Variants in SND1 observed in about 807,000 individuals in gnomAD.
SND1 encodes the protein staphylococcal nuclease and tudor domain containing 1.
SND1 carries 38 observed loss-of-function variants against 121.7 expected under a neutral mutation model. That is an observed-to-expected ratio of 0.31 (90% CI 0.24 to 0.41). The LOEUF (loss-of-function observed/expected upper bound fraction) is 0.41. Ranked by LOEUF, SND1 falls within the 10% of genes least tolerant of loss-of-function variation. The probability of loss-of-function intolerance (pLI) is 1.00; values close to 1 mark genes in which losing one functional copy is unlikely to be tolerated. For synonymous variants in SND1, 401 were observed against 447.4 expected (o/e 0.90, Z 1.31); for missense variants, 868 against 1,184.6 (o/e 0.73, Z 3.92).
chr7:127,794,222 A>T (rs1455889921), intron 10 of SND1, among the ~76,000 whole-genome samples: 1 of 152,198 alleles, frequency 6.6e-6, no homozygotes, highest in Non-Finnish European at 1.5e-5. Context: ...AATTTGGTGG[A>T]TAAAATATGT....
At chr7:127,686,460 A>G (rs1795813948) in intron 1 of SND1, among the ~76,000 whole-genome samples, 153 bp from the exon 2 acceptor site, 1 of 152,202 alleles carries the variant, frequency 6.6e-6, no homozygotes, top group South Asian at 2.1e-4. Flanking sequence ...AAAATTAAAA[A>G]CAATCCTGTT....
At chr7:127,771,245 GC>G (rs1210259656) in intron 10 of SND1, among the ~76,000 whole-genome samples, 2 of 152,148 alleles carry the variant, frequency 1.3e-5, no homozygotes, top group African/African-American at 4.8e-5. Flanking sequence ...CAGCTTGGGG[GC>G]CACAGGCTAA....
At chr7:127,755,624 T>C (rs1227563333) in intron 10 of SND1, among the ~76,000 whole-genome samples, 1 of 152,206 alleles carries the variant, frequency 6.6e-6, no homozygotes, top group African/African-American at 2.4e-5. Context: ...AATGATAGGA[T>C]GGATGTGGAG....
At chr7:127,992,624 ACTGT>A (rs765008192) in intron 16 of SND1, among the ~76,000 whole-genome samples, 17 of 152,196 alleles carry the variant, frequency 1.1e-4, no homozygotes, top group Admixed American at 3.3e-4. Context: ...CTCATCATTT[ACTGT>A]CTAAGTCAAA....
intron 16 of SND1, among the ~76,000 whole-genome samples, chr7:128,022,463 G>A (rs1803378704): frequency 6.6e-6 from 1 of 152,090 alleles, no homozygotes. Context: ...GGGATAAGTG[G>A]GCAAAGATCA....
chr7:128,092,076 GC>G lies in SND1; in HGVS notation c.*23del. The G allele has an allele frequency of 6.2e-7, 1 of 1,613,566 alleles. No homozygotes were observed. Among genetic ancestry groups the G allele is most frequent in the Non-Finnish European group, 8.5e-7 (1 of 1,179,546 alleles). ...GCCGCTAAGGAGGGGATCGGGTTTGGCCCCCAGCCCCGCTCACGCCAGTCCC... is the reference window on the plus strand; with the variant it reads ...GCCGCTAAGGAGGGGATCGGGTTTGGCCCCAGCCCCGCTCACGCCAGTCCC... On this transcript the variant is annotated 3_prime_UTR_variant, in exon 24 of 24. Transcript: ENST00000354725. This position sits in a 1 kb window ranked among gnomAD's most constrained non-coding sequence, Gnocchi z 4.9.
At chr7:127,849,768 T>A (rs747619995) in intron 12 of SND1, among the ~76,000 whole-genome samples, 29 of 152,220 alleles carry the variant, frequency 1.9e-4, no homozygotes, top group Non-Finnish European at 4.0e-4. Context: ...CTGTTTATTT[T>A]TCTCATATTT....
intron 2 of SND1, among the ~76,000 whole-genome samples, chr7:127,692,107 A>G (rs1273302395): frequency 6.6e-6 from 1 of 152,124 alleles, no homozygotes; most frequent in Non-Finnish European, 1.5e-5. Flanking sequence ...GAGGGACAAA[A>G]AGTATTGAAT....
At chr7:127,728,583 G>A (rs1796621051) in intron 10 of SND1, among the ~76,000 whole-genome samples, 1 of 152,108 alleles carries the variant, frequency 6.6e-6, no homozygotes, top group African/African-American at 2.4e-5. Flanking sequence ...TCCCTTCTCT[G>A]TAGCATCGTG....
chr7:127,764,061 C>CAA (rs1160121634), intron 10 of SND1, among the ~76,000 whole-genome samples: 2 of 128,218 alleles, frequency 1.6e-5, no homozygotes, highest in African/African-American at 5.7e-5. Flanking sequence ...AACAAAAAAA[C>CAA]AAAAAAACAA....
chr7:127,776,785 T>C (rs1272709083), intron 10 of SND1, among the ~76,000 whole-genome samples: 3 of 152,208 alleles, frequency 2.0e-5, no homozygotes, highest in Non-Finnish European at 4.4e-5. Context: ...AAAGCCCTTA[T>C]GTAAATGGCC....
At chr7:127,738,962 T>C (rs1796828624) in intron 10 of SND1, among the ~76,000 whole-genome samples, 2 of 152,182 alleles carry the variant, frequency 1.3e-5, no homozygotes, top group Admixed American at 1.3e-4. Context: ...GGAAGGACAC[T>C]TGCAGGGTGT....
intron 16 of SND1, among the ~76,000 whole-genome samples, chr7:127,996,852 G>GT (rs1242867551): frequency 6.6e-6 from 1 of 152,196 alleles, no homozygotes; most frequent in Admixed American, 6.5e-5. Flanking sequence ...TTTAAAGGCT[G>GT]TTTGGGGGCT....
intron 12 of SND1, among the ~76,000 whole-genome samples, chr7:127,868,129 C>T (rs1302379821): frequency 7.9e-5 from 12 of 152,114 alleles, no homozygotes; most frequent in Admixed American, 4.6e-4. Flanking sequence ...TGGTGGCTCA[C>T]GCCTGTAATC....
chr7:127,696,439 T>C (rs1353389735), intron 3 of SND1, among the ~76,000 whole-genome samples: 1 of 152,212 alleles, frequency 6.6e-6, no homozygotes, highest in African/African-American at 2.4e-5. Flanking sequence ...ATTCTTATAA[T>C]ATAGTAAGAA....
chr7:127,994,982 A>G (rs958015635), intron 16 of SND1, among the ~76,000 whole-genome samples: 1 of 152,010 alleles, frequency 6.6e-6, no homozygotes, highest in African/African-American at 2.4e-5. Context: ...TCAGCCTCCC[A>G]AAGTGCTGGG....
At chr7:127,972,654 G>A (rs371325452) in intron 15 of SND1, among the ~76,000 whole-genome samples, 16 of 151,862 alleles carry the variant, frequency 1.1e-4, no homozygotes, top group African/African-American at 3.6e-4. Context: ...ATCTCTGCTC[G>A]CCGCAACCTC....
intron 16 of SND1, among the ~76,000 whole-genome samples, chr7:128,059,419 A>G (rs951914431): frequency 7.9e-5 from 12 of 152,248 alleles, no homozygotes; most frequent in Non-Finnish European, 1.5e-4. Context: ...TGCCTAATAC[A>G]GTGCTTTTCT....
At chr7:128,073,928 C>G (rs966273051) in intron 16 of SND1, among the ~76,000 whole-genome samples, 2 of 152,160 alleles carry the variant, frequency 1.3e-5, no homozygotes, top group Non-Finnish European at 2.9e-5. Flanking sequence ...TCTGGCCACT[C>G]CTTCTGCGGG....
Sources: allele counts gnomAD v4.1 joint callset (sites outside exome capture counted in the v4.1 genomes callset), GRCh38; gene constraint gnomAD v4.1.1; non-coding constraint Gnocchi (gnomAD v3.1); transcripts MANE v1.5; gene names NCBI Gene and HGNC (gene_info 2026-07-23, HGNC 2026-07-21).